Variants in BRINP3 observed in about 807,000 individuals in gnomAD.
BRINP3 encodes BMP/retinoic acid-inducible neural-specific protein 3.
BRINP3 carries 19 observed loss-of-function variants against 71.0 expected under a neutral mutation model. The ratio of observed to expected loss-of-function variants is 0.27; its 90% confidence interval spans 0.19 to 0.39. The LOEUF (loss-of-function observed/expected upper bound fraction) is 0.39. Among genes scored for constraint, BRINP3 ranks in the 10% least tolerant of loss-of-function variants. The probability of loss-of-function intolerance (pLI) is 1.00; values close to 1 mark genes in which losing one functional copy is unlikely to be tolerated. For missense variants in BRINP3, 959 were observed against 940.8 expected (o/e 1.02, Z -0.25); for synonymous variants, 380 against 337.7 (o/e 1.13, Z -1.37).
At chr1:190,433,103 T>G (rs1460634930) in intron 2 of BRINP3, among the ~76,000 whole-genome samples, 1 of 152,186 alleles carries the variant, frequency 6.6e-6, no homozygotes, top group African/African-American at 2.4e-5. Context: ...AAATTAGAAT[T>G]AAAGAAGGTG....
At chr1:190,167,699 G>C (rs1468790635) in intron 6 of BRINP3, among the ~76,000 whole-genome samples, 2 of 152,156 alleles carry the variant, frequency 1.3e-5, no homozygotes, top group African/African-American at 4.8e-5. Context: ...CCTCGGAACT[G>C]AAGGGTAGAT....
intron 2 of BRINP3, among the ~76,000 whole-genome samples, chr1:190,285,667 G>GA (rs1220351320): frequency 1.3e-5 from 2 of 151,816 alleles, no homozygotes; most frequent in Non-Finnish European, 2.9e-5. Context: ...GAAATCTTAG[G>GA]AAGGTAATAA....
intron 6 of BRINP3, among the ~76,000 whole-genome samples, chr1:190,204,162 A>G (rs983856183): frequency 1.3e-5 from 2 of 151,864 alleles, no homozygotes; most frequent in African/African-American, 4.8e-5. Flanking sequence ...GATGAAAGAG[A>G]CCTTATCAAG....
chr1:190,247,222 C>T (rs980401694), intron 4 of BRINP3, among the ~76,000 whole-genome samples: 1 of 151,616 alleles, frequency 6.6e-6, no homozygotes, highest in Non-Finnish European at 1.5e-5. Context: ...AGCTGTGTAA[C>T]TAGAAGTATG....
At chr1:190,296,265 A>T (rs1471098142) in intron 2 of BRINP3, among the ~76,000 whole-genome samples, 1 of 151,998 alleles carries the variant, frequency 6.6e-6, no homozygotes, top group East Asian at 1.9e-4. Context: ...GGATGATTTG[A>T]TATACATGGA....
chr1:190,188,891 G>C (rs1016284893), intron 6 of BRINP3, among the ~76,000 whole-genome samples: 4 of 151,934 alleles, frequency 2.6e-5, no homozygotes, highest in Non-Finnish European at 2.9e-5. Context: ...CTCCTGAGTA[G>C]CTCCAATTAC....
rs373420201 is a variant in BRINP3 at position 190,452,875 on chromosome 1, A to T, written c.236+1780T>A. On this transcript the variant is annotated intron_variant, in intron 2 of 7. Coordinates refer to ENST00000367462, the MANE Select transcript of BRINP3 (RefSeq NM_199051.3). The stretch of plus-strand genomic sequence containing the variant: ...CCGTCCCAAAAAAACATAAACAAAA[A>T]CATGTCAAGCCATGTTTGCTACTCA... Among the ~76,000 whole-genome samples the T allele has an allele frequency of 4.2e-4, 64 of 152,246 alleles. No individual in the cohort carries two copies. The East Asian group carries it at 0.011, about 26-fold the overall frequency.
chr1:190,152,031 G>A (rs774704355), intron 7 of BRINP3, among the ~76,000 whole-genome samples: 23 of 152,118 alleles, frequency 1.5e-4, no homozygotes, highest in Admixed American at 2.6e-4. Context: ...ATTTTATGGA[G>A]TATTTGGCAT....
intron 7 of BRINP3, among the ~76,000 whole-genome samples, chr1:190,122,837 C>T (rs1048324900): frequency 1.3e-5 from 2 of 152,054 alleles, no homozygotes; most frequent in Non-Finnish European, 2.9e-5. Flanking sequence ...CAAACTTAGG[C>T]AACTAATACA....
intron 2 of BRINP3, among the ~76,000 whole-genome samples, chr1:190,393,767 C>T (rs2102317556): frequency 6.6e-6 from 1 of 151,608 alleles, no homozygotes; most frequent in South Asian, 2.1e-4. Flanking sequence ...ATGTATTACT[C>T]TCAAAATGGT....
At chr1:190,311,845 A>G (rs867457752) in intron 2 of BRINP3, among the ~76,000 whole-genome samples, 1 of 150,594 alleles carries the variant, frequency 6.6e-6, no homozygotes, top group Non-Finnish European at 1.5e-5. Flanking sequence ...GCACAGATGA[A>G]AAAGAGTTTA....
At chr1:190,353,359 T>C (rs1179657913) in intron 2 of BRINP3, among the ~76,000 whole-genome samples, 1 of 152,024 alleles carries the variant, frequency 6.6e-6, no homozygotes, top group African/African-American at 2.4e-5. Flanking sequence ...AATGCCACTT[T>C]GATTAGTGAC....
At chr1:190,317,040 T>G (rs1665928421) in intron 2 of BRINP3, among the ~76,000 whole-genome samples, 2 of 151,368 alleles carry the variant, frequency 1.3e-5, no homozygotes, top group Admixed American at 1.3e-4. Flanking sequence ...GGCATGATGG[T>G]GGGTGCCTAT....
chr1:190,249,558 T>G (rs1490218434), intron 4 of BRINP3, among the ~76,000 whole-genome samples: 1 of 151,848 alleles, frequency 6.6e-6, no homozygotes, highest in African/African-American at 2.4e-5. Flanking sequence ...TGTGTTAACT[T>G]AAGCAAAAAT....
rs547253263 is a variant in BRINP3 at position 190,394,850 on chromosome 1, G to A, written c.236+59805C>T. ...GAATTAACTCTGGGGAGTACACAGT[G>A]CCTACCGGAAAAAAAGACCATTTGC... On this transcript the variant is annotated intron_variant, in intron 2 of 7. Coordinates refer to ENST00000367462, the MANE Select transcript of BRINP3 (RefSeq NM_199051.3). Among the ~76,000 whole-genome samples the A allele has an allele frequency of 9.8e-4, 149 of 151,648 alleles. 6 individuals carry two copies. The South Asian group carries it at 0.031, about 31-fold the overall frequency.
intron 2 of BRINP3, among the ~76,000 whole-genome samples, chr1:190,390,241 AGAG>A (rs947946060): frequency 3.4e-4 from 51 of 151,712 alleles, no homozygotes; most frequent in African/African-American, 1.2e-3. Flanking sequence ...GGGAGGCATC[AGAG>A]GTTGGAGGAA....
chr1:190,218,684 C>G lies in BRINP3; in HGVS notation c.961+7398G>C, dbSNP rs567579987. On this transcript the variant is annotated intron_variant, in intron 6 of 7. Coordinates refer to ENST00000367462, the MANE Select transcript of BRINP3 (RefSeq NM_199051.3). ...CTATAGATCTCAAAACCTATTTTTC[C>G]GGTCTAACTGAAACTTTGCAACATT... is the stretch of plus-strand genomic sequence containing the variant. 3.3e-5 allele frequency among the ~76,000 whole-genome samples: 5 copies of G among 152,020 alleles called. No individual in the cohort carries two copies. In the South Asian group the frequency reaches 1.0e-3, roughly 32 times the overall value.
intron 2 of BRINP3, among the ~76,000 whole-genome samples, chr1:190,400,250 G>C (rs1671835660): frequency 6.6e-6 from 1 of 152,108 alleles, no homozygotes; most frequent in Non-Finnish European, 1.5e-5. Context: ...GGATCAGGAA[G>C]GGATTAAGAT....
chr1:190,191,090 C>T (rs1203387688), intron 6 of BRINP3, among the ~76,000 whole-genome samples: 1 of 152,082 alleles, frequency 6.6e-6, no homozygotes, highest in Non-Finnish European at 1.5e-5. Context: ...TTCTAAGAGG[C>T]AACCTCCCTC....
Sources: gnomAD v4.1 joint callset for allele counts (sites outside exome capture counted in the v4.1 genomes callset) on GRCh38, gnomAD v4.1.1 for gene constraint, MANE v1.5 for transcripts, NCBI Gene and HGNC (gene_info 2026-07-23, HGNC 2026-07-21) for gene names.